TBPL1: variants seen among roughly 807,000 people sequenced by gnomAD.
TBPL1 encodes TATA-box binding protein like 1.
In TBPL1, 4 loss-of-function variants were observed where a neutral mutation model predicts 22.1. The observed-to-expected ratio is 0.18, with a 90% CI of 0.09 to 0.41. TBPL1 has a LOEUF of 0.41. Among genes scored for constraint, TBPL1 ranks in the 10% least tolerant of loss-of-function variants. TBPL1 has a pLI of 1.00. For missense variants in TBPL1, 115 were observed against 222.3 expected, an observed-to-expected ratio of 0.52 and a Z score of 3.07; for synonymous variants, 64 against 71.0, an observed-to-expected ratio of 0.90 and a Z score of 0.50.
chr6:133,959,490 T>A (rs1238783178), intron 1 of TBPL1, among the ~76,000 whole-genome samples: 1 of 152,144 alleles, frequency 6.6e-6, no homozygotes, highest in African/African-American at 2.4e-5. Flanking sequence ...TTTCTTTTTG[T>A]TTTGTTTTGG....
intron 1 of TBPL1, among the ~76,000 whole-genome samples, chr6:133,955,367 T>C (rs760770835): frequency 3.3e-5 from 5 of 151,866 alleles, no homozygotes; most frequent in Non-Finnish European, 5.9e-5. Flanking sequence ...GTAGTTTAGT[T>C]ACTGTCTTTT....
chr6:133,968,092 T>G (rs943703204), intron 1 of TBPL1, among the ~76,000 whole-genome samples: 2 of 151,688 alleles, frequency 1.3e-5, no homozygotes, highest in Non-Finnish European at 2.9e-5. Context: ...CACTGCAGCC[T>G]GCATCTGCCT....
chr6:133,985,000 G>T (rs1776481927), intron 6 of TBPL1, among the ~76,000 whole-genome samples: 1 of 151,762 alleles, frequency 6.6e-6, no homozygotes, highest in Admixed American at 6.6e-5. Context: ...ATTCTGGTAG[G>T]CCAGGTGCAT....
chr6:133,957,540 G>A (rs144168590), intron 1 of TBPL1, among the ~76,000 whole-genome samples: 94 of 152,272 alleles, frequency 6.2e-4, no homozygotes, highest in African/African-American at 2.1e-3. Context: ...AGGTGTTAAC[G>A]TTCCCGCTCC....
At chr6:133,955,420 A>G (rs1322062189) in intron 1 of TBPL1, among the ~76,000 whole-genome samples, 1 of 151,860 alleles carries the variant, frequency 6.6e-6, no homozygotes, top group Non-Finnish European at 1.5e-5. Context: ...ATGCTGTATC[A>G]TTTCCGTTTC....
chr6:133,979,436 G>A lies in TBPL1; in HGVS notation c.-44-646G>A, dbSNP rs140526503. 4.3e-3 allele frequency among the ~76,000 whole-genome samples: 660 copies of A among 152,246 alleles called. 3 individuals are homozygous for A. Among genetic ancestry groups the A allele is most frequent in the Non-Finnish European group, 4.7e-3 (323 of 68,016 alleles). ...TGGAACCAGAGTCCAACCCTTGAAC[G>A]TGGTGCATTTGGGGATTTGTCATTA... On this transcript the variant is annotated intron_variant, in intron 1 of 6. Coordinates refer to ENST00000237264, the MANE Select transcript of TBPL1 (RefSeq NM_004865.4).
At chr6:133,983,243 G>A (rs970959295) in intron 4 of TBPL1, among the ~76,000 whole-genome samples, 1 of 152,224 alleles carries the variant, frequency 6.6e-6, no homozygotes, top group Non-Finnish European at 1.5e-5. Flanking sequence ...GGCAGAGGCC[G>A]TTGACATGGA....
At chr6:133,982,702 A>G (rs755195498) in intron 3 of TBPL1, 52 bp downstream of exon 3, 13 of 1,597,548 alleles carry the variant, frequency 8.1e-6, no homozygotes, top group Non-Finnish European at 1.0e-5. Flanking sequence ...TCCCTCATGG[A>G]AAGGACATTT....
intron 1 of TBPL1, among the ~76,000 whole-genome samples, chr6:133,978,921 C>A (rs1162930503): frequency 6.6e-6 from 1 of 152,104 alleles, no homozygotes; most frequent in East Asian, 1.9e-4. Context: ...ATGTTTTTAT[C>A]ATTTTCTGAT....
chr6:133,980,703 T>C (rs1776397014), intron 2 of TBPL1, among the ~76,000 whole-genome samples: 1 of 151,626 alleles, frequency 6.6e-6, no homozygotes, highest in Admixed American at 6.6e-5. Context: ...GATTTATATC[T>C]TAACCTGGAC....
chr6:133,963,472 T>C (rs112396958), intron 1 of TBPL1, among the ~76,000 whole-genome samples: 11,905 of 152,248 alleles, frequency 0.078, 449 homozygotes, highest in Admixed American at 0.085. Flanking sequence ...TAGCCCAGAC[T>C]GGAGTGCAGT....
intron 1 of TBPL1, among the ~76,000 whole-genome samples, chr6:133,962,957 C>T (rs1776049867): frequency 6.6e-6 from 1 of 152,158 alleles, no homozygotes; most frequent in African/African-American, 2.4e-5. Context: ...TCTTCAGAAT[C>T]CAGGGATAGG....
intron 6 of TBPL1, 29 bp from the exon 7 acceptor site, chr6:133,986,932 C>T (rs1776536781): frequency 1.3e-6 from 2 of 1,524,772 alleles, no homozygotes; most frequent in Non-Finnish European, 1.8e-6. Context: ...CAACTCTTCT[C>T]ACTCCTTCCT....
At chr6:133,956,477 A>G (rs1775929424) in intron 1 of TBPL1, among the ~76,000 whole-genome samples, 1 of 152,228 alleles carries the variant, frequency 6.6e-6, no homozygotes, top group Admixed American at 6.5e-5. Flanking sequence ...TTTATTACAT[A>G]CTGCCTGGTA....
chr6:133,959,550 C>A (rs1251535886), intron 1 of TBPL1, among the ~76,000 whole-genome samples: 3 of 151,990 alleles, frequency 2.0e-5, no homozygotes, highest in African/African-American at 7.2e-5. Flanking sequence ...GGCGCGATCT[C>A]GGCTCACTGC....
At chr6:133,970,214 C>T (rs541311606) in intron 1 of TBPL1, among the ~76,000 whole-genome samples, 1 of 152,284 alleles carries the variant, frequency 6.6e-6, no homozygotes, top group East Asian at 1.9e-4. Flanking sequence ...TTTTTCCATT[C>T]TTATGCTAAA....
intron 1 of TBPL1, among the ~76,000 whole-genome samples, chr6:133,975,630 A>G (rs908334749): frequency 6.6e-6 from 1 of 152,346 alleles, no homozygotes; most frequent in South Asian, 2.1e-4. Context: ...ATTCTACCCA[A>G]TAACTAAATG....
rs1776469185 is a variant in TBPL1 at position 133,984,320 on chromosome 6, ATTTT to A, written c.283-53_283-50del. The A allele has an allele frequency of 9.4e-6, 13 of 1,385,876 alleles. No individual in the cohort carries two copies. In the South Asian group the frequency reaches 1.7e-4, roughly 18 times the overall value. 85.8% of individuals were successfully genotyped at this position (1,385,876 alleles called of 1,614,324 possible). ...TTTTAAGGATTGCCATTATGAGCAG[ATTTT>A]TTGTTTGTTTGTTTCAAAATAAATT... On this transcript the variant is annotated intron_variant, in intron 4 of 6. Coordinates refer to ENST00000237264, the MANE Select transcript of TBPL1 (RefSeq NM_004865.4).
intron 1 of TBPL1, among the ~76,000 whole-genome samples, chr6:133,966,709 T>G (rs1207322945): frequency 6.6e-6 from 1 of 152,180 alleles, no homozygotes; most frequent in Non-Finnish European, 1.5e-5. Flanking sequence ...GCCACAAACC[T>G]GCAGTCATTC....
Sources: allele counts gnomAD v4.1 joint callset (sites outside exome capture counted in the v4.1 genomes callset), GRCh38; gene constraint gnomAD v4.1.1; transcripts MANE v1.5; gene names NCBI Gene and HGNC (gene_info 2026-07-23, HGNC 2026-07-21).